The following ANKRD13C variants were observed in gnomAD, a reference collection of about 807,000 sequenced individuals.
ANKRD13C encodes the protein ankyrin repeat domain-containing protein 13C.
ANKRD13C carries 16 observed loss-of-function variants against 65.5 expected under a neutral mutation model. That is an observed-to-expected ratio of 0.24 (90% confidence interval 0.17 to 0.37). ANKRD13C has a LOEUF of 0.37. ANKRD13C is among the 10% of genes least tolerant of loss of function. The probability of loss-of-function intolerance (pLI) is 1.00; values close to 1 mark genes in which losing one functional copy is unlikely to be tolerated. For synonymous variants in ANKRD13C, 235 were observed against 238.7 expected, an observed-to-expected ratio of 0.98 and a Z score of 0.14; for missense variants, 503 against 655.9, an observed-to-expected ratio of 0.77 and a Z score of 2.55.
intron 9 of ANKRD13C, among the ~76,000 whole-genome samples, chr1:70,287,301 A>AT (rs1029754970): frequency 6.6e-6 from 1 of 152,034 alleles, no homozygotes; most frequent in Non-Finnish European, 1.5e-5. Flanking sequence ...ATTCAACACC[A>AT]TCCCTATACA....
At chr1:70,273,203 C>A (rs1374118468) in intron 11 of ANKRD13C, among the ~76,000 whole-genome samples, 1 of 151,882 alleles carries the variant, frequency 6.6e-6, no homozygotes, top group Admixed American at 6.6e-5. Flanking sequence ...GGGTAAAGCT[C>A]AGGTATGTAT....
intron 1 of ANKRD13C, among the ~76,000 whole-genome samples, chr1:70,338,165 T>G (rs1682137852): frequency 6.6e-6 from 1 of 152,146 alleles, no homozygotes; most frequent in Non-Finnish European, 1.5e-5. Flanking sequence ...TAAAATTGAT[T>G]TCTCTCTCCT....
intron 2 of ANKRD13C, among the ~76,000 whole-genome samples, chr1:70,335,221 ATGG>A (rs1390746834): frequency 6.6e-6 from 1 of 152,032 alleles, no homozygotes; most frequent in South Asian, 2.1e-4. Context: ...ACTGGCCAAC[ATGG>A]TGAAGCCCTG....
intron 9 of ANKRD13C, among the ~76,000 whole-genome samples, chr1:70,281,730 C>T (rs186612914): frequency 1.8e-4 from 28 of 151,742 alleles, no homozygotes; most frequent in Admixed American, 3.3e-4. Context: ...GGAATGTGAG[C>T]AGAGTGATGT....
At position 70,336,920 on chromosome 1, in the gene ANKRD13C, C is replaced by T. The variant is rs144518967; in HGVS notation, c.431-821G>A. ...TTAATTTCAAAATGATACCCTAAGCCATACTTATGATCTAAATGTTAAACC... is the reference window on the plus strand; with the variant it reads ...TTAATTTCAAAATGATACCCTAAGCTATACTTATGATCTAAATGTTAAACC... On this transcript the variant is annotated intron_variant, in intron 1 of 12. Coordinates refer to ENST00000370944, the MANE Select transcript of ANKRD13C (RefSeq NM_030816.5). Among the ~76,000 whole-genome samples the T allele has an allele frequency of 5.1e-3, 778 of 152,170 alleles. 10 individuals carry two copies. The highest frequency in any genetic ancestry group is 7.4e-3 in the Non-Finnish European group (505 of 68,008).
Position 70,354,098 on chromosome 1 carries a change from A to T in ANKRD13C, c.311T>A (p.Val104Asp), listed in dbSNP as rs1682880989. 2 of 1,612,606 alleles carry T rather than the reference A, an allele frequency of 1.2e-6. No individual in the cohort carries two copies. Among genetic ancestry groups the T allele is most frequent in the Non-Finnish European group, 8.5e-7 (1 of 1,178,964 alleles). ...LLAGTNPVAV[V>D]ADGGSCPAHY... ...TGCGGGGCAACTGCCTCCATCCGCG[A>T]CGACAGCAACGGGGTTGGTGCCGGC... Residue 104 changes from valine to aspartate, a missense_variant, in exon 1 of 13, where the codon GTC becomes GAC. Val to Asp is a radical substitution (Grantham distance 152). Transcript: ENST00000370944.
intron 12 of ANKRD13C, among the ~76,000 whole-genome samples, chr1:70,268,921 G>T (rs191386755): frequency 1.3e-5 from 2 of 151,308 alleles, no homozygotes; most frequent in African/African-American, 2.4e-5. Flanking sequence ...TAAGTTTTAG[G>T]GTACATGTGC....
intron 3 of ANKRD13C, among the ~76,000 whole-genome samples, chr1:70,321,315 CAAG>C (rs981252851): frequency 1.3e-4 from 20 of 152,070 alleles, no homozygotes; most frequent in Admixed American, 3.3e-4. Flanking sequence ...TGAAAATGTA[CAAG>C]AAGAAGAACT....
Position 70,259,519 on chromosome 1 carries a change from T to TA in ANKRD13C, c.*3197dup, listed in dbSNP as rs1571999604. The stretch of plus-strand genomic sequence containing the variant: ...CTCTGTAAGGATGGTTTGCATGATG[T>TA]AAAAAATGTGATTCTTAACATGTTA... On this transcript the variant is annotated 3_prime_UTR_variant, in exon 13 of 13. Transcript: ENST00000370944. Among the ~76,000 whole-genome samples, 1 of 152,324 alleles carries TA rather than the reference T, an allele frequency of 6.6e-6. No individual in the cohort carries two copies. The highest frequency in any genetic ancestry group is 1.9e-4 in the East Asian group (1 of 5,182).
intron 1 of ANKRD13C, among the ~76,000 whole-genome samples, chr1:70,336,757 G>A (rs895362286): frequency 6.6e-6 from 1 of 152,086 alleles, no homozygotes; most frequent in African/African-American, 2.4e-5. Flanking sequence ...CAAACAAACA[G>A]TTATTATTAG....
chr1:70,264,365 A>G (rs1678515613), intron 12 of ANKRD13C, among the ~76,000 whole-genome samples: 2 of 150,900 alleles, frequency 1.3e-5, no homozygotes, highest in Admixed American at 1.3e-4. Flanking sequence ...AATCCCAGCT[A>G]CTCAGAAGGC....
intron 10 of ANKRD13C, among the ~76,000 whole-genome samples, chr1:70,275,486 C>T (rs747412624): frequency 6.6e-6 from 1 of 150,840 alleles, no homozygotes; most frequent in East Asian, 1.9e-4. Context: ...TATGTTGACT[C>T]AGGTTGCCTG....
At position 70,299,030 on chromosome 1, in the gene ANKRD13C, A is replaced by ATGTCAGT. The variant is rs1185530168; in HGVS notation, c.921+1733_921+1734insACTGACA. Among the ~76,000 whole-genome samples the ATGTCAGT allele has an allele frequency of 3.8e-3, 577 of 152,326 alleles. 3 individuals carry two copies. The highest frequency in any genetic ancestry group is 0.013 in the African/African-American group (528 of 41,570). ...AGGAGCTTAGACCAATAGAAGGGAA[A>ATGTCAGT]AAAGCCATGTCAGTAAATGTAACAT... is the stretch of plus-strand genomic sequence containing the variant. On this transcript the variant is annotated intron_variant, in intron 7 of 12. Transcript: ENST00000370944.
rs926237091 is a variant in ANKRD13C at position 70,354,481 on chromosome 1, A to G, written c.-73T>C. 7.9e-6 allele frequency: 12 copies of G among 1,516,132 alleles called. No individual in the cohort carries two copies. In the African/African-American group the frequency reaches 1.6e-4, roughly 21 times the overall value. The allele number at this position is 1,516,132 out of a possible 1,614,324, so 93.9% of individuals were successfully genotyped here. On this transcript the variant is annotated 5_prime_UTR_variant, in exon 1 of 13. Coordinates refer to ENST00000370944, the MANE Select transcript of ANKRD13C (RefSeq NM_030816.5). Reference sequence around the variant, plus strand: ...GACGGAGCTGGCGCTGCGGCGGCACAAGGCGATTAGAGCGGTGGCCAAGAG... The same window carrying G: ...GACGGAGCTGGCGCTGCGGCGGCACGAGGCGATTAGAGCGGTGGCCAAGAG...
At chr1:70,268,943 G>A (rs1313465788) in intron 12 of ANKRD13C, among the ~76,000 whole-genome samples, 1 of 151,740 alleles carries the variant, frequency 6.6e-6, no homozygotes, top group African/African-American at 2.4e-5. Context: ...CAATGTGCAG[G>A]TTAGTTACAT....
At chr1:70,343,926 G>A (rs985269701) in intron 1 of ANKRD13C, among the ~76,000 whole-genome samples, 1 of 152,180 alleles carries the variant, frequency 6.6e-6, no homozygotes, top group Non-Finnish European at 1.5e-5. Context: ...GAGGCGGGAG[G>A]ATTGCTTGAG....
chr1:70,264,093 T>C (rs1678501455), intron 12 of ANKRD13C, among the ~76,000 whole-genome samples: 1 of 152,208 alleles, frequency 6.6e-6, no homozygotes, highest in South Asian at 2.1e-4. Flanking sequence ...CTAAGTCCTA[T>C]TGCCAGGCCT....
intron 11 of ANKRD13C, among the ~76,000 whole-genome samples, chr1:70,272,355 G>A (rs1678926661): frequency 6.6e-6 from 1 of 151,536 alleles, no homozygotes; most frequent in Non-Finnish European, 1.5e-5. Context: ...CGAGTAGCTG[G>A]GATTACAGGT....
intron 9 of ANKRD13C, among the ~76,000 whole-genome samples, chr1:70,288,068 A>G (rs1679699445): frequency 6.6e-6 from 1 of 152,166 alleles, no homozygotes. Context: ...AAGAAAATCC[A>G]ATTAGGAAAA....
Sources: gnomAD v4.1 joint callset for allele counts (sites outside exome capture counted in the v4.1 genomes callset) on GRCh38, gnomAD v4.1.1 for gene constraint, MANE v1.5 for transcripts, NCBI Gene and HGNC (gene_info 2026-07-23, HGNC 2026-07-21) for gene names.